The following RAPGEF4 variants were observed in gnomAD, a reference collection of about 807,000 sequenced individuals.
RAPGEF4 encodes the protein RAP guanine-nucleotide-exchange factor (GEF) 4.
In RAPGEF4, 66 loss-of-function variants were observed where a neutral mutation model predicts 147.9. That is an observed-to-expected ratio of 0.45 (90% CI 0.37 to 0.55). The LOEUF (loss-of-function observed/expected upper bound fraction) is 0.55. RAPGEF4 is among the 20% of genes least tolerant of loss of function. The pLI is 0.00. For missense variants in RAPGEF4, 1,071 were observed against 1,257.3 expected, an observed-to-expected ratio of 0.85 and a Z score of 2.24; for synonymous variants, 419 against 442.7, an observed-to-expected ratio of 0.95 and a Z score of 0.67.
intron 23 of RAPGEF4, among the ~76,000 whole-genome samples, chr2:173,026,231 G>A: frequency 6.6e-6 from 1 of 152,152 alleles, no homozygotes; most frequent in East Asian, 1.9e-4. Context: ...AGGTCTCCCA[G>A]GACTTCTTCC....
chr2:173,010,969 C>T (rs1424583683), intron 17 of RAPGEF4, among the ~76,000 whole-genome samples: 4 of 152,102 alleles, frequency 2.6e-5, no homozygotes, highest in East Asian at 1.9e-4. Flanking sequence ...AATAAGTCAG[C>T]GCTTCCTTTT....
chr2:173,031,252 A>T (rs1697163119), intron 26 of RAPGEF4, among the ~76,000 whole-genome samples: 1 of 152,174 alleles, frequency 6.6e-6, no homozygotes, highest in African/African-American at 2.4e-5. Context: ...TTCCAGGCAG[A>T]TGCAGCACAC....
chr2:173,000,684 C>G (rs1158997613), intron 16 of RAPGEF4, among the ~76,000 whole-genome samples: 1 of 151,884 alleles, frequency 6.6e-6, no homozygotes, highest in Non-Finnish European at 1.5e-5. Flanking sequence ...GTTTTGTTAG[C>G]CTTTGTTTTG....
intron 4 of RAPGEF4, among the ~76,000 whole-genome samples, chr2:172,851,085 A>G (rs1692767575): frequency 6.6e-6 from 1 of 152,224 alleles, no homozygotes; most frequent in Non-Finnish European, 1.5e-5. Flanking sequence ...GTTTAGCACT[A>G]TAAACTTTCC....
intron 23 of RAPGEF4, among the ~76,000 whole-genome samples, chr2:173,021,391 G>C (rs1484200086): frequency 1.3e-5 from 2 of 152,308 alleles, no homozygotes; most frequent in Middle Eastern, 3.4e-3. Context: ...AGAGAAACTG[G>C]TTTCTTCAGT....
chr2:172,756,077 T>C (rs1695747490), intron 1 of RAPGEF4, among the ~76,000 whole-genome samples: 1 of 152,234 alleles, frequency 6.6e-6, no homozygotes. Flanking sequence ...AGTGTATATC[T>C]TAGGATATGA....
intron 4 of RAPGEF4, among the ~76,000 whole-genome samples, chr2:172,874,259 T>C (rs1041185915): frequency 6.6e-6 from 1 of 152,202 alleles, no homozygotes; most frequent in African/African-American, 2.4e-5. Context: ...GTATTTTTTT[T>C]AAATTATACT....
intron 1 of RAPGEF4, among the ~76,000 whole-genome samples, chr2:172,794,181 C>T (rs1481848855): frequency 1.3e-5 from 2 of 151,774 alleles, no homozygotes; most frequent in African/African-American, 4.8e-5. Context: ...AGTTCAAGAC[C>T]AGCCTGGCCA....
chr2:172,921,760 C>T (rs983285984), intron 5 of RAPGEF4, among the ~76,000 whole-genome samples: 1 of 152,262 alleles, frequency 6.6e-6, no homozygotes, highest in Admixed American at 6.5e-5. Flanking sequence ...GAAACAGCCT[C>T]TGCTGTGCTC....
chr2:172,883,413 T>G (rs1696838697), intron 4 of RAPGEF4, among the ~76,000 whole-genome samples: 1 of 152,168 alleles, frequency 6.6e-6, no homozygotes. Flanking sequence ...CCTCATGACC[T>G]AAACACCTCC....
chr2:172,764,237 A>C (rs1696619002), intron 1 of RAPGEF4, among the ~76,000 whole-genome samples: 1 of 133,936 alleles, frequency 7.5e-6, no homozygotes, highest in East Asian at 2.3e-4. Context: ...TGGGTGACAA[A>C]ACGAGACCCT....
chr2:172,964,030 C>CT (rs1322057986), intron 8 of RAPGEF4, among the ~76,000 whole-genome samples: 14 of 152,158 alleles, frequency 9.2e-5, no homozygotes, highest in African/African-American at 3.1e-4. Context: ...TCTGTGTACT[C>CT]TTTTTTTGTA....
At chr2:172,823,087 G>A (rs1411717916) in intron 4 of RAPGEF4, among the ~76,000 whole-genome samples, 1 of 152,160 alleles carries the variant, frequency 6.6e-6, no homozygotes, top group Non-Finnish European at 1.5e-5. Context: ...AAAGGACAGG[G>A]GCAGAGCAAG....
At chr2:172,780,520 A>G (rs903289478) in intron 1 of RAPGEF4, among the ~76,000 whole-genome samples, 5 of 152,202 alleles carry the variant, frequency 3.3e-5, no homozygotes, top group African/African-American at 1.2e-4. Context: ...AGAGGGAAGG[A>G]GAGACACCTT....
chr2:172,833,953 A>G (rs3769302), intron 4 of RAPGEF4, among the ~76,000 whole-genome samples: 7,719 of 152,148 alleles, frequency 0.051, 314 homozygotes, highest in East Asian at 0.11. Flanking sequence ...TATCTGTTTG[A>G]TGTTTTTATC....
At chr2:172,811,054 T>G (rs1240501495) in intron 3 of RAPGEF4, among the ~76,000 whole-genome samples, 1 of 152,222 alleles carries the variant, frequency 6.6e-6, no homozygotes, top group East Asian at 1.9e-4. Flanking sequence ...CTGGACTCAC[T>G]CCTTCAGGGG....
chr2:172,967,332 C>T lies in RAPGEF4; in HGVS notation c.892C>T (p.Pro298Ser). The change falls in exon 10 of 31, where the codon CCT becomes TCT. Residue 298 changes from proline (P) to serine (S), a missense_variant. Physicochemically the swap from Pro to Ser is moderately conservative, Grantham distance 74. Transcript: ENST00000397081. Reference protein sequence around the residue: ...RFLDDEHEDAPLPTEEEKKEC... With the variant: ...RFLDDEHEDASLPTEEEKKEC... ...TCTGGATGATGAGCACGAGGATGCC[C>T]CTTTGCCTACTGAGGAGGAGAAGAA... 6.2e-7 allele frequency: 1 copy of T among 1,612,156 alleles called. No individual in the cohort carries two copies. Among genetic ancestry groups the T allele is most frequent in the East Asian group, 2.2e-5 (1 of 44,858 alleles).
At chr2:172,953,363 TAG>T (rs947522446) in intron 6 of RAPGEF4, among the ~76,000 whole-genome samples, 1 of 147,748 alleles carries the variant, frequency 6.8e-6, no homozygotes, top group Non-Finnish European at 1.5e-5. Context: ...TATATATGTA[TAG>T]AGAGAATTAT....
chr2:173,011,159 A>AGC (rs147557642), intron 17 of RAPGEF4, among the ~76,000 whole-genome samples: 11,043 of 128,250 alleles, frequency 0.086, 684 homozygotes, highest in East Asian at 0.33. Flanking sequence ...TTGGAACTTC[A>AGC]GCGCGCGCGC....
Sources: allele counts gnomAD v4.1 joint callset (sites outside exome capture counted in the v4.1 genomes callset), GRCh38; gene constraint gnomAD v4.1.1; transcripts MANE v1.5; gene names NCBI Gene and HGNC (gene_info 2026-07-23, HGNC 2026-07-21).